Variants in BCAS3 observed in about 807,000 individuals in gnomAD.
BCAS3 encodes BCAS3 microtubule associated cell migration factor, also known as BCAS4/BCAS3 fusion.
In BCAS3, 53 loss-of-function variants were observed where a neutral mutation model predicts 116.1. The ratio of observed to expected loss-of-function variants is 0.46; its 90% CI spans 0.37 to 0.57. The LOEUF is 0.57. BCAS3 is among the 20% of genes least tolerant of loss of function. BCAS3 has a pLI of 0.00. For missense variants in BCAS3, 917 were observed against 1,165.4 expected, an observed-to-expected ratio of 0.79 and a Z score of 3.10; for synonymous variants, 391 against 408.2, an observed-to-expected ratio of 0.96 and a Z score of 0.51.
At chr17:60,966,662 CTTTTTTT>C (rs754857618) in intron 14 of BCAS3, among the ~76,000 whole-genome samples, 2 of 133,082 alleles carry the variant, frequency 1.5e-5, no homozygotes, top group Admixed American at 1.5e-4. Context: ...TATCACCCAA[CTTTTTTT>C]TTTTTTTTTT....
chr17:60,988,360 T>TTTTTTTTTG (rs1555651709), intron 14 of BCAS3, among the ~76,000 whole-genome samples: 19 of 134,806 alleles, frequency 1.4e-4, no homozygotes, highest in African/African-American at 5.1e-4. Context: ...TTTTTTTTTT[T>TTTTTTTTTG]ATGTATGTGT....
At chr17:61,294,999 T>G (rs1483727245) in intron 22 of BCAS3, among the ~76,000 whole-genome samples, 1 of 152,226 alleles carries the variant, frequency 6.6e-6, no homozygotes, top group African/African-American at 2.4e-5. Context: ...ATGACATCAC[T>G]ACTCAAGACT....
chr17:61,296,930 C>G (rs2052969875), intron 22 of BCAS3, among the ~76,000 whole-genome samples: 1 of 152,190 alleles, frequency 6.6e-6, no homozygotes, highest in Non-Finnish European at 1.5e-5. Context: ...GGTAGAGAGT[C>G]TGAAGGCTTT....
Position 60,993,634 on chromosome 17 carries a change from C to T in BCAS3, c.1486+3399C>T, listed in dbSNP as rs1411267266. Among the ~76,000 whole-genome samples the T allele has an allele frequency of 6.6e-6, 1 of 151,928 alleles. No homozygotes were observed. The highest frequency in any genetic ancestry group is 1.9e-4 in the East Asian group (1 of 5,188). On this transcript the variant is annotated intron_variant, in intron 15 of 23. Coordinates refer to ENST00000407086, the MANE Select transcript of BCAS3 (RefSeq NM_017679.5). This position sits in a 1 kb window ranked among gnomAD's most constrained non-coding sequence, Gnocchi z 4.2. ...ACAAAATGGGCATTGTTGGTTAGTT[C>T]TAAAAATGATGTATTTACAGTTTGT... is the stretch of plus-strand genomic sequence containing the variant.
chr17:60,924,143 T>C (rs1386098496), intron 12 of BCAS3, among the ~76,000 whole-genome samples: 1 of 152,214 alleles, frequency 6.6e-6, no homozygotes, highest in Non-Finnish European at 1.5e-5. Flanking sequence ...TCTGAACCTA[T>C]ACTTGAAGAA....
intron 7 of BCAS3, among the ~76,000 whole-genome samples, chr17:60,841,899 C>T (rs1038615419): frequency 2.0e-5 from 3 of 152,030 alleles, no homozygotes; most frequent in Non-Finnish European, 2.9e-5. Context: ...CAAAAAGAGT[C>T]TCTAGTGATG....
At chr17:60,919,131 T>C (rs184761137) in intron 12 of BCAS3, among the ~76,000 whole-genome samples, 198 of 152,324 alleles carry the variant, frequency 1.3e-3, no homozygotes, top group Admixed American at 3.1e-3. Context: ...TAATGTTGTC[T>C]GTGTCTGCTT....
In BCAS3 at chr17:60,908,609, A is replaced by G. The variant is rs576132017; in HGVS notation, c.823-1923A>G. On this transcript the variant is annotated intron_variant, in intron 11 of 23. Transcript: ENST00000407086. ...CAGAGGCTTACTTGACAACACTCCA[A>G]CAGACTTTGTGTAAGTCATTTCTTG... 4.3e-4 allele frequency among the ~76,000 whole-genome samples: 66 copies of G among 152,252 alleles called. 2 individuals are homozygous for G. In the South Asian group the frequency reaches 0.014, roughly 31 times the overall value.
In BCAS3 at chr17:60,915,943, A is replaced by G. The variant is rs543727185; in HGVS notation, c.993+5241A>G. 6.6e-5 allele frequency among the ~76,000 whole-genome samples: 10 copies of G among 152,138 alleles called. No homozygotes were observed. In the South Asian group the frequency reaches 1.2e-3, roughly 19 times the overall value. On this transcript the variant is annotated intron_variant, in intron 12 of 23. Transcript: ENST00000407086. ...CGTGATCTGCCCACCTCAGCCTCCC[A>G]AAGGGCTGGAATTACAGGTGTGAGC...
chr17:60,739,976 C>T (rs1394162630), intron 5 of BCAS3, among the ~76,000 whole-genome samples: 1 of 151,624 alleles, frequency 6.6e-6, no homozygotes, highest in Non-Finnish European at 1.5e-5. Context: ...TATCCTTGCT[C>T]TTCTACAAGT....
At chr17:60,763,620 G>A (rs1378381524) in intron 6 of BCAS3, among the ~76,000 whole-genome samples, 6 of 150,296 alleles carry the variant, frequency 4.0e-5, no homozygotes, top group Non-Finnish European at 4.5e-5. Context: ...GAGGATTTTC[G>A]CATCGATGTT....
At chr17:61,096,202 G>A (rs551214787) in intron 22 of BCAS3, among the ~76,000 whole-genome samples, 20 of 152,144 alleles carry the variant, frequency 1.3e-4, no homozygotes, top group African/African-American at 4.3e-4. Context: ...TCCTTGATAA[G>A]TTTCAATGTA....
intron 22 of BCAS3, among the ~76,000 whole-genome samples, chr17:61,277,565 A>C (rs2050873373): frequency 6.6e-6 from 1 of 152,196 alleles, no homozygotes; most frequent in Admixed American, 6.5e-5. Flanking sequence ...AATGACCCAC[A>C]AAATGGGAGA....
At chr17:60,880,661 T>C (rs1216977592) in intron 9 of BCAS3, among the ~76,000 whole-genome samples, 1 of 152,230 alleles carries the variant, frequency 6.6e-6, no homozygotes, top group Admixed American at 6.5e-5. Context: ...TTGTAGATAA[T>C]GCTTGTATGG....
At chr17:61,298,621 T>C (rs992103148) in intron 22 of BCAS3, among the ~76,000 whole-genome samples, 1 of 151,964 alleles carries the variant, frequency 6.6e-6, no homozygotes, top group Admixed American at 6.6e-5. Context: ...GAAGGCCCAC[T>C]GCCTTTCCAA....
intron 5 of BCAS3, among the ~76,000 whole-genome samples, chr17:60,722,541 T>A (rs371094478): frequency 1.3e-5 from 2 of 152,038 alleles, no homozygotes; most frequent in South Asian, 4.2e-4. Context: ...GGTGGGTAGA[T>A]CACGACGTCA....
rs1289282175 is a variant in BCAS3 at position 61,021,375 on chromosome 17, T to G, written c.1637+5474T>G. Among the ~76,000 whole-genome samples, 2 of 152,124 alleles carry G rather than the reference T, an allele frequency of 1.3e-5. No individual in the cohort carries two copies. The highest frequency in any genetic ancestry group is 2.9e-5 in the Non-Finnish European group (2 of 68,016). ...GCACCCGGCCATGTTTATTCATTTC[T>G]TTGTGAAGATTTAGGTGGTTATTAG... On this transcript the variant is annotated intron_variant, in intron 16 of 23. Transcript: ENST00000407086. This position sits in a 1 kb window ranked among gnomAD's most constrained non-coding sequence, Gnocchi z 4.6.
Position 61,128,221 on chromosome 17 carries a change from G to A in BCAS3, c.2425+43657G>A, listed in dbSNP as rs2076146625. On this transcript the variant is annotated intron_variant, in intron 22 of 23. Coordinates refer to ENST00000407086, the MANE Select transcript of BCAS3 (RefSeq NM_017679.5). This position sits in a 1 kb window ranked among gnomAD's most constrained non-coding sequence, Gnocchi z 4.1. ...TAGTGTGAGTCAAGGATGAGTACAT[G>A]AAGATGAAGCCCATGCAATGAGGAC... 1.0e-6 allele frequency: 1 copy of A among 985,322 alleles called. No individual in the cohort carries two copies. Among genetic ancestry groups the A allele is most frequent in the South Asian group, 4.7e-5 (1 of 21,298 alleles). 61.0% of individuals were successfully genotyped at this position (985,322 alleles called of 1,614,324 possible).
At chr17:61,153,514 T>G (rs1346629159) in intron 22 of BCAS3, among the ~76,000 whole-genome samples, 1 of 152,182 alleles carries the variant, frequency 6.6e-6, no homozygotes, top group Non-Finnish European at 1.5e-5. Context: ...CTCTGCAACC[T>G]CACCAAACCC....
Sources: allele counts gnomAD v4.1 joint callset (sites outside exome capture counted in the v4.1 genomes callset), GRCh38; gene constraint gnomAD v4.1.1; non-coding constraint Gnocchi (gnomAD v3.1); transcripts MANE v1.5; gene names NCBI Gene and HGNC (gene_info 2026-07-23, HGNC 2026-07-21).